Variants in CSNK1G1 observed in about 807,000 individuals in gnomAD.
CSNK1G1 encodes casein kinase I isoform gamma-1.
A neutral mutation model predicts 59.6 loss-of-function variants in CSNK1G1; 22 were observed. That is an observed-to-expected ratio of 0.37 (90% confidence interval 0.26 to 0.53). CSNK1G1 has a LOEUF of 0.53. Ranked by LOEUF, CSNK1G1 falls within the 20% of genes least tolerant of loss-of-function variation. The pLI is 0.89. For missense variants in CSNK1G1, 384 were observed against 519.5 expected (o/e 0.74, Z 2.54); for synonymous variants, 179 against 177.1 (o/e 1.01, Z -0.08).
At position 64,180,379 on chromosome 15, in the gene CSNK1G1, G is replaced by A. The variant is rs1390087743; in HGVS notation, c.1183C>T (p.His395Tyr). The change falls in exon 11 of 12, where the codon CAT becomes TAT. Residue 395 changes from histidine (H) to tyrosine (Y), a missense_variant. His to Tyr is a moderately conservative substitution (Grantham distance 83, BLOSUM62 2). Around this residue, in one of 3 missense-constraint regions of CSNK1G1, gnomAD observed 325 missense variants for 440.9 expected, o/e 0.74. Transcript: ENST00000303052. ...TCCTCCACTACCTCCACCTCGGCAT[G>A]AGCTGTGATTGGTGCATTGGAGTGG... is the stretch of plus-strand genomic sequence containing the variant. ...GAHSNAPITA[H>Y]AEVEVVEEAK... is the part of the protein sequence containing the mutation. 2 of 1,614,026 alleles carry A rather than the reference G, an allele frequency of 1.2e-6. No homozygotes were observed. Among genetic ancestry groups the A allele is most frequent in the Non-Finnish European group, 8.5e-7 (1 of 1,180,006 alleles).
At chr15:64,311,863 G>A (rs1896015865) in intron 1 of CSNK1G1, among the ~76,000 whole-genome samples, 1 of 152,026 alleles carries the variant, frequency 6.6e-6, no homozygotes. Flanking sequence ...CTGGGCGACA[G>A]AGTGAGACCA....
chr15:64,332,039 G>C (rs1182423128), intron 1 of CSNK1G1, among the ~76,000 whole-genome samples: 1 of 150,960 alleles, frequency 6.6e-6, no homozygotes, highest in Non-Finnish European at 1.5e-5. Flanking sequence ...TGCTGGAGAG[G>C]ATGTGGAGAA....
chr15:64,238,234 G>A (rs2082641435), intron 4 of CSNK1G1, among the ~76,000 whole-genome samples: 1 of 151,690 alleles, frequency 6.6e-6, no homozygotes, highest in Non-Finnish European at 1.5e-5. Flanking sequence ...GATGGCTCTA[G>A]GAATCTGCTG....
At chr15:64,301,865 T>C (rs1335392595) in intron 1 of CSNK1G1, among the ~76,000 whole-genome samples, 1 of 151,430 alleles carries the variant, frequency 6.6e-6, no homozygotes, top group Non-Finnish European at 1.5e-5. Context: ...CCCACCTGAG[T>C]GACAGAGTGA....
chr15:64,326,218 GT>G (rs1043928396), intron 1 of CSNK1G1, among the ~76,000 whole-genome samples: 4 of 152,128 alleles, frequency 2.6e-5, no homozygotes, highest in Admixed American at 2.0e-4. Flanking sequence ...TAGAGACAGG[GT>G]TTTGCCATGT....
Position 64,261,762 on chromosome 15 carries a change from G to C in CSNK1G1, c.182-2521C>G, listed in dbSNP as rs556765214. 2.0e-5 allele frequency among the ~76,000 whole-genome samples: 3 copies of C among 152,028 alleles called. No individual in the cohort carries two copies. In the South Asian group the frequency reaches 6.2e-4, roughly 32 times the overall value. ...GTTGGAGACCAGTCTGACCAACATGGTGAAACCCTGTCTCTACTAAAAATA... is the reference window on the plus strand; with the variant it reads ...GTTGGAGACCAGTCTGACCAACATGCTGAAACCCTGTCTCTACTAAAAATA... On this transcript the variant is annotated intron_variant, in intron 2 of 11. Transcript: ENST00000303052.
At position 64,182,423 on chromosome 15, in the gene CSNK1G1, T is replaced by C. The variant is rs2081831863; in HGVS notation, c.1108-1969A>G. Among the ~76,000 whole-genome samples, 3 of 152,122 alleles carry C rather than the reference T, an allele frequency of 2.0e-5. No individual in the cohort carries two copies. In the South Asian group the frequency reaches 6.2e-4, roughly 32 times the overall value. The stretch of plus-strand genomic sequence containing the variant: ...TTTATTTGTTTAAACACAGGGAGAC[T>C]TAAAGATTAAAACGGATTAAAAGAG... On this transcript the variant is annotated intron_variant, in intron 10 of 11. Coordinates refer to ENST00000303052, the MANE Select transcript of CSNK1G1 (RefSeq NM_022048.5).
At chr15:64,298,885 A>AAAAAT (rs1895165244) in intron 2 of CSNK1G1, among the ~76,000 whole-genome samples, 1 of 151,888 alleles carries the variant, frequency 6.6e-6, no homozygotes, top group African/African-American at 2.4e-5. Flanking sequence ...CAAAAAAAAA[A>AAAAAT]AAAATAAGCT....
Position 64,214,642 on chromosome 15 carries a change from G to C in CSNK1G1, c.445-518C>G, listed in dbSNP as rs2082287812. Among the ~76,000 whole-genome samples, 1 of 152,154 alleles carries C rather than the reference G, an allele frequency of 6.6e-6. No homozygotes were observed. Among genetic ancestry groups the C allele is most frequent in the African/African-American group, 2.4e-5 (1 of 41,434 alleles). On this transcript the variant is annotated intron_variant, in intron 5 of 11. Transcript: ENST00000303052. This position sits in a 1 kb window ranked among gnomAD's most constrained non-coding sequence, Gnocchi z 4.3. ...GACATCACATAGCTAATTAGCAGCA[G>C]AGACAGGGAAACAGTTCATTATTAT...
Position 64,219,920 on chromosome 15 carries a change from C to T in CSNK1G1, c.293-3207G>A, listed in dbSNP as rs902001146. On this transcript the variant is annotated intron_variant, in intron 4 of 11. Coordinates refer to ENST00000303052, the MANE Select transcript of CSNK1G1 (RefSeq NM_022048.5). ...TCCCAAGTAGCTGGGATTACAGGCA[C>T]GTACCACCACACCTAGCTAATTTTT... Among the ~76,000 whole-genome samples the T allele has an allele frequency of 1.2e-4, 18 of 151,574 alleles. No homozygotes were observed. In the South Asian group the frequency reaches 3.1e-3, roughly 26 times the overall value.
intron 3 of CSNK1G1, among the ~76,000 whole-genome samples, chr15:64,257,464 G>A (rs1892443299): frequency 6.6e-6 from 1 of 152,032 alleles, no homozygotes; most frequent in African/African-American, 2.4e-5. Flanking sequence ...AAAAAAAGCA[G>A]GTGTACTAGA....
chr15:64,172,714 T>C (rs1263162108), intron 11 of CSNK1G1, among the ~76,000 whole-genome samples: 2 of 152,166 alleles, frequency 1.3e-5, no homozygotes, highest in Non-Finnish European at 2.9e-5. Context: ...CTCCCCAATT[T>C]AGCTTCCTGA....
chr15:64,259,483 T>TACACATAC (rs1892572314), intron 2 of CSNK1G1, among the ~76,000 whole-genome samples: 1 of 139,716 alleles, frequency 7.2e-6, no homozygotes, highest in Admixed American at 7.3e-5. Context: ...AAATCTCTCT[T>TACACATAC]ACACACACAC....
Position 64,216,518 on chromosome 15 carries a change from G to A in CSNK1G1, c.444+44C>T, listed in dbSNP as rs746572337. 6.3e-7 allele frequency: 1 copy of A among 1,593,932 alleles called. No individual in the cohort carries two copies. The highest frequency in any genetic ancestry group is 2.2e-5 in the East Asian group (1 of 44,664). On this transcript the variant is annotated intron_variant, in intron 5 of 11. Coordinates refer to ENST00000303052, the MANE Select transcript of CSNK1G1 (RefSeq NM_022048.5). This position sits in a 1 kb window ranked among gnomAD's most constrained non-coding sequence, Gnocchi z 4.6. ...CCAAAAGGCCCACAAGGATGTGGCT[G>A]AGGAACCAGCTTATTCTCTTCTAGA...
At chr15:64,253,672 G>A (rs139738528) in intron 3 of CSNK1G1, among the ~76,000 whole-genome samples, 1 of 152,146 alleles carries the variant, frequency 6.6e-6, no homozygotes, top group East Asian at 1.9e-4. Flanking sequence ...ACCTAAGTGT[G>A]CATAATTGGA....
chr15:64,341,513 C>T (rs1411608979), intron 1 of CSNK1G1, among the ~76,000 whole-genome samples: 1 of 152,196 alleles, frequency 6.6e-6, no homozygotes, highest in Non-Finnish European at 1.5e-5. Context: ...TGCCCTGTCA[C>T]TCAGGCTGGA....
chr15:64,181,517 T>C (rs368496463), intron 10 of CSNK1G1: 2 of 1,249,692 alleles, frequency 1.6e-6, no homozygotes, highest in African/African-American at 3.0e-5. Context: ...TTTGAGATTG[T>C]TTCTTATAGG....
intron 4 of CSNK1G1, among the ~76,000 whole-genome samples, chr15:64,234,505 C>G (rs12440940): frequency 1.3e-5 from 2 of 152,190 alleles, no homozygotes; most frequent in South Asian, 4.2e-4. Context: ...GATTATTTTC[C>G]CACAAGAGGT....
At chr15:64,346,778 A>C (rs1384054931) in intron 1 of CSNK1G1, among the ~76,000 whole-genome samples, 1 of 152,098 alleles carries the variant, frequency 6.6e-6, no homozygotes, top group East Asian at 1.9e-4. Flanking sequence ...TTTCAGATAT[A>C]ACACTAAAAG....
Sources: gnomAD v4.1 joint callset for allele counts (sites outside exome capture counted in the v4.1 genomes callset) on GRCh38, gnomAD v4.1.1 for gene constraint, gnomAD v4.1.1 regional missense constraint, Gnocchi (gnomAD v3.1) non-coding constraint, MANE v1.5 for transcripts, NCBI Gene and HGNC (gene_info 2026-07-23, HGNC 2026-07-21) for gene names.